Variants in RABEP2 observed in about 807,000 individuals in gnomAD.
RABEP2 encodes the protein rab GTPase-binding effector protein 2.
Under a neutral mutation model 74.1 loss-of-function variants are expected in RABEP2, and 57 were observed. The ratio of observed to expected loss-of-function variants is 0.77; its 90% CI spans 0.62 to 0.96. RABEP2 has a LOEUF of 0.96. Among genes scored for constraint, RABEP2 ranks in the 40% least tolerant of loss-of-function variants. The pLI, the probability that RABEP2 is intolerant of heterozygous loss-of-function variation, is 0.00. For synonymous variants in RABEP2, 351 were observed against 344.0 expected, an observed-to-expected ratio of 1.02 and a Z score of -0.23; for missense variants, 692 against 756.3, an observed-to-expected ratio of 0.91 and a Z score of 1.00.
chr16:28,924,553 G>C lies in RABEP2; in HGVS notation c.124C>G (p.Arg42Gly), dbSNP rs372658045. 4.3e-6 allele frequency: 7 copies of C among 1,613,700 alleles called. No homozygotes were observed. In the African/African-American group the frequency reaches 9.3e-5, roughly 22 times the overall value. ...NGEAESGELS[R>G]LRAELAGALA... ...GCGCCTGCCAGCTCAGCCCGAAGCC[G>C]GCTGAGCTCACCTGACTCGGCCTCA... The change falls in exon 2 of 13, where the codon CGG becomes GGG. Residue 42 changes from arginine to glycine, a missense_variant. By Grantham distance (125) the Arg-to-Gly change is moderately radical. Coordinates refer to ENST00000358201, the MANE Select transcript of RABEP2 (RefSeq NM_024816.3).
At chr16:28,923,043 CAG>C (rs1366867688) in intron 2 of RABEP2, among the ~76,000 whole-genome samples, 2 of 152,168 alleles carry the variant, frequency 1.3e-5, no homozygotes, top group Non-Finnish European at 2.9e-5. Context: ...TCCTGCCTCA[CAG>C]AGTTTGTTAT....
In RABEP2 at chr16:28,914,707, G is replaced by A. The variant is rs1216088624; in HGVS notation, c.508C>T (p.Leu170=). 6.2e-7 allele frequency: 1 copy of A among 1,614,058 alleles called. No individual in the cohort carries two copies. Among genetic ancestry groups the A allele is most frequent in the Non-Finnish European group, 8.5e-7 (1 of 1,180,030 alleles). The change falls in exon 4 of 13, where the codon CTG becomes TTG. Residue 170 remains leucine, a synonymous_variant. Coordinates refer to ENST00000358201, the MANE Select transcript of RABEP2 (RefSeq NM_024816.3). ...TGAATCAGCTCCTCGGCCCTCAGCA[G>A]CTTCGCCTTCAGCTCCTCGATCTCC... ...EKEIEELKAK[L]LRAEELIQEI... is the part of the protein sequence containing the mutation.
In RABEP2 at chr16:28,914,275, C is replaced by A. The variant is rs375901988; in HGVS notation, c.855G>T (p.Gln285His). The change falls in exon 5 of 13, where the codon CAG (glutamine) becomes CAT (histidine). Residue 285 changes from glutamine to histidine, a missense_variant. Transcript: ENST00000358201. Reference sequence around the variant, plus strand: ...GCTCCCACTGAGTGTCTGGGACGAGCTGGTAGCCAGGAGGGGGCAGGTAGA... The same window carrying A: ...GCTCCCACTGAGTGTCTGGGACGAGATGGTAGCCAGGAGGGGGCAGGTAGA... Reference protein sequence around the residue: ...EGIYLPPPGYQLVPDTQWEQL... With the variant: ...EGIYLPPPGYHLVPDTQWEQL... 3.1e-6 allele frequency: 5 copies of A among 1,611,018 alleles called. No homozygotes were observed. The African/African-American group carries it at 6.7e-5, about 22-fold the overall frequency.
intron 5 of RABEP2, among the ~76,000 whole-genome samples, chr16:28,912,213 C>G (rs752616197): frequency 6.7e-6 from 1 of 149,878 alleles, no homozygotes; most frequent in Non-Finnish European, 1.5e-5. Flanking sequence ...CACCACTGCA[C>G]TCCAGCCTGG....
At chr16:28,921,208 TG>T in intron 2 of RABEP2, 1 of 455,932 alleles carries the variant, frequency 2.2e-6, no homozygotes, top group East Asian at 6.9e-5. Flanking sequence ...GACTCTGAGC[TG>T]GGCTCTGGAA....
At chr16:28,912,530 C>T (rs1011524926) in intron 5 of RABEP2, among the ~76,000 whole-genome samples, 4 of 151,226 alleles carry the variant, frequency 2.6e-5, no homozygotes, top group East Asian at 2.0e-4. Flanking sequence ...CTCATCTCAA[C>T]CTCTCGAAGT....
intron 1 of RABEP2, 93 bp from the exon 2 acceptor site, chr16:28,924,708 A>C (rs1218026059): frequency 8.5e-7 from 1 of 1,181,908 alleles, no homozygotes; most frequent in Non-Finnish European, 1.2e-6. Context: ...TGTTGCCTTC[A>C]TCTGGGGCCT....
At chr16:28,921,798 C>T (rs1008816658) in intron 2 of RABEP2, among the ~76,000 whole-genome samples, 1 of 151,566 alleles carries the variant, frequency 6.6e-6, no homozygotes, top group African/African-American at 2.4e-5. Context: ...AACCTTGTCT[C>T]TACTGAAAAC....
intron 3 of RABEP2, chr16:28,916,298 A>G (rs992346783): frequency 1.3e-5 from 2 of 152,184 alleles, no homozygotes; most frequent in East Asian, 1.9e-4. Context: ...ATGGCAAAAC[A>G]GCAATATAGG....
chr16:28,914,578 G>A lies in RABEP2; in HGVS notation c.552C>T (p.Pro184=), dbSNP rs1964361521. 6.2e-7 allele frequency: 1 copy of A among 1,609,084 alleles called. No homozygotes were observed. The highest frequency in any genetic ancestry group is 8.5e-7 in the Non-Finnish European group (1 of 1,177,220). ...AGCCGTGCAGGGAAGGGGCATGCCG[G>A]GGACGTCTCTAGGGAAGGGGGCAGG... ...EELIQEIQRR[P]RHAPSLHGST... Residue 184 remains proline (P), a synonymous_variant, in exon 5 of 13, where the codon CCC becomes CCT. Coordinates refer to ENST00000358201, the MANE Select transcript of RABEP2 (RefSeq NM_024816.3).
rs1964202412 is a variant in RABEP2, at chr16:28,905,011, G to A, written c.1642C>T (p.Leu548=). 5.6e-6 allele frequency: 9 copies of A among 1,611,114 alleles called. No individual in the cohort carries two copies. The highest frequency in any genetic ancestry group is 7.6e-6 in the Non-Finnish European group (9 of 1,179,758). ...RLERIRQAET[L]EQVRSIMDEA... ...TCCATGATGCTGCGCACTTGCTCCA[G>A]GGTCTCAGCCTGGCGGATCCGCTCT... The change falls in exon 13 of 13, where the codon CTG becomes TTG. Residue 548 remains leucine (L), a synonymous_variant. Coordinates refer to ENST00000358201, the MANE Select transcript of RABEP2 (RefSeq NM_024816.3).
chr16:28,924,374 G>A (rs1333953689), intron 2 of RABEP2, 29 bp downstream of exon 2: 4 of 1,594,526 alleles, frequency 2.5e-6, no homozygotes, highest in Non-Finnish European at 3.4e-6. Context: ...TGGGGTTGAT[G>A]GGGAGTCTAG....
chr16:28,919,679 G>C (rs1964442598), intron 3 of RABEP2, 107 bp downstream of exon 3: 4 of 1,299,636 alleles, frequency 3.1e-6, no homozygotes, highest in Non-Finnish European at 4.2e-6. Context: ...GCTATTCCTA[G>C]AATCACTGCT....
At chr16:28,923,761 G>A (rs1964497862) in intron 2 of RABEP2, among the ~76,000 whole-genome samples, 2 of 152,204 alleles carry the variant, frequency 1.3e-5, no homozygotes, top group Non-Finnish European at 2.9e-5. Flanking sequence ...GAAGATCTGT[G>A]AGAAGGTTGG....
At chr16:28,908,143 G>A (rs1049940750) in intron 8 of RABEP2, among the ~76,000 whole-genome samples, 13 of 152,036 alleles carry the variant, frequency 8.6e-5, no homozygotes, top group Non-Finnish European at 1.2e-4. Context: ...GGGTTTTACC[G>A]TTGGCCAGGC....
chr16:28,905,543 G>T, intron 11 of RABEP2, 30 bp from the exon 12 acceptor site: 1 of 1,590,298 alleles, frequency 6.3e-7, no homozygotes, highest in Non-Finnish European at 8.6e-7. Flanking sequence ...ACTGAGCTGG[G>T]CCTGGCTCAG....
At chr16:28,921,458 G>A (rs145209692) in intron 2 of RABEP2, among the ~76,000 whole-genome samples, 5 of 151,984 alleles carry the variant, frequency 3.3e-5, no homozygotes, top group East Asian at 1.9e-4. Context: ...TGTGAGCAGC[G>A]GAAGAGCAGC....
In RABEP2 at chr16:28,906,102, A is replaced by G; in HGVS notation, c.1340T>C (p.Val447Ala). Residue 447 changes from valine (V) to alanine (A), a missense_variant, in exon 9 of 13, where the codon GTG becomes GCG. Val to Ala is a moderately conservative substitution (Grantham distance 64). Transcript: ENST00000358201. The part of the protein sequence containing the change: ...HGAERLRIEI[V>A]TLREALEEET... ...CTCCTCCAGAGCCTCCCGCAGCGTC[A>G]CGATCTCGATCCGCAGGCGCTCGGC... 6.3e-7 allele frequency: 1 copy of G among 1,596,602 alleles called. No individual in the cohort carries two copies. The highest frequency in any genetic ancestry group is 8.5e-7 in the Non-Finnish European group (1 of 1,172,662).
At chr16:28,922,239 C>A (rs979792864) in intron 2 of RABEP2, among the ~76,000 whole-genome samples, 3 of 152,168 alleles carry the variant, frequency 2.0e-5, no homozygotes, top group Non-Finnish European at 4.4e-5. Context: ...AGAACGTGGT[C>A]ATTTTTTGTT....
Sources: allele counts gnomAD v4.1 joint callset (sites outside exome capture counted in the v4.1 genomes callset), GRCh38; gene constraint gnomAD v4.1.1; transcripts MANE v1.5; gene names NCBI Gene and HGNC (gene_info 2026-07-23, HGNC 2026-07-21).